Variants in DCC observed in about 807,000 individuals in gnomAD.
DCC encodes netrin receptor DCC.
Under a neutral mutation model 172.5 loss-of-function variants are expected in DCC, and 58 were observed. The ratio of observed to expected loss-of-function variants is 0.34; its 90% CI spans 0.27 to 0.42. DCC has a LOEUF of 0.42. Ranked by LOEUF, DCC falls within the 10% of genes least tolerant of loss-of-function variation. The pLI is 1.00. For synonymous variants in DCC, 709 were observed against 644.5 expected (o/e 1.10, Z -1.52); for missense variants, 1,740 against 1,791.0 (o/e 0.97, Z 0.51).
chr18:52,716,219 C>G (rs1452267138), intron 1 of DCC, among the ~76,000 whole-genome samples: 2 of 152,224 alleles, frequency 1.3e-5, no homozygotes, highest in Admixed American at 1.3e-4. Flanking sequence ...GGGGGCTCCT[C>G]TTTTCTTTCC....
At chr18:52,697,480 A>G (rs78834763) in intron 1 of DCC, among the ~76,000 whole-genome samples, 408 of 152,300 alleles carry the variant, frequency 2.7e-3, no homozygotes, top group African/African-American at 8.9e-3. Flanking sequence ...GTTTTCTCCT[A>G]TGTGAGAACA....
chr18:53,455,733 G>A (rs1476095758), intron 23 of DCC, among the ~76,000 whole-genome samples: 2 of 152,048 alleles, frequency 1.3e-5, no homozygotes, highest in African/African-American at 4.8e-5. Context: ...ATCTATTTGG[G>A]CCAAGGCCTC....
intron 12 of DCC, among the ~76,000 whole-genome samples, chr18:53,281,359 C>A (rs1363093075): frequency 6.6e-6 from 1 of 152,074 alleles, no homozygotes; most frequent in Non-Finnish European, 1.5e-5. Context: ...CTGATTTTAA[C>A]AGAAATTCTG....
At chr18:52,821,026 G>T (rs1383440788) in intron 2 of DCC, among the ~76,000 whole-genome samples, 1 of 152,074 alleles carries the variant, frequency 6.6e-6, no homozygotes, top group Non-Finnish European at 1.5e-5. Context: ...TGCTGAATTT[G>T]TTCTCTCATT....
chr18:53,288,936 C>A (rs2056966430), intron 12 of DCC, among the ~76,000 whole-genome samples: 1 of 152,086 alleles, frequency 6.6e-6, no homozygotes, highest in African/African-American at 2.4e-5. Context: ...TGCATATTAA[C>A]AGGCCACATT....
At chr18:53,512,753 T>G (rs1380710283) in intron 27 of DCC, among the ~76,000 whole-genome samples, 2 of 147,062 alleles carry the variant, frequency 1.4e-5, no homozygotes, top group Non-Finnish European at 3.0e-5. Flanking sequence ...AGAAGGGAAG[T>G]TTAGAGAAAA....
chr18:52,942,979 G>A (rs998406055), intron 5 of DCC, among the ~76,000 whole-genome samples: 13 of 152,080 alleles, frequency 8.5e-5, no homozygotes, highest in Non-Finnish European at 1.6e-4. Context: ...TTAATTTAAT[G>A]GTAGATATAA....
rs1598807388 is a variant in DCC at position 52,792,781 on chromosome 18, TTCCA to T, written c.412+40409_412+40412del. Among the ~76,000 whole-genome samples the T allele has an allele frequency of 1.1e-4, 17 of 150,044 alleles. No individual in the cohort carries two copies. The East Asian group carries it at 1.4e-3, about 12-fold the overall frequency. The stretch of plus-strand genomic sequence containing the variant: ...TTCTATTCCATTCTATTCCATTCCA[TTCCA>T]TTCCATTCCATTCCATTCCAGTTGA... On this transcript the variant is annotated intron_variant, in intron 2 of 28. Coordinates refer to ENST00000442544, the MANE Select transcript of DCC (RefSeq NM_005215.4).
At chr18:53,187,989 G>A (rs1212728457) in intron 9 of DCC, among the ~76,000 whole-genome samples, 2 of 152,222 alleles carry the variant, frequency 1.3e-5, no homozygotes, top group East Asian at 3.9e-4. Context: ...TGTATCAATT[G>A]AAAGTCAAGC....
At chr18:52,976,823 T>A (rs184059525) in intron 5 of DCC, among the ~76,000 whole-genome samples, 10 of 152,332 alleles carry the variant, frequency 6.6e-5, no homozygotes, top group African/African-American at 2.4e-4. Context: ...ATCTTACATA[T>A]GCAAACACAG....
intron 2 of DCC, among the ~76,000 whole-genome samples, chr18:52,848,082 ATT>A (rs11291428): frequency 0.13 from 17,108 of 127,292 alleles, 895 homozygotes; most frequent in South Asian, 0.22. Context: ...GACTTTTCTA[ATT>A]TTTTTTTTTT....
rs1330513774 is a variant in DCC at position 53,351,468 on chromosome 18, A to G, written c.2359+11561A>G. Among the ~76,000 whole-genome samples, 48 of 28,624 alleles carry G rather than the reference A, an allele frequency of 1.7e-3. 1 individual carries two copies. The highest frequency in any genetic ancestry group is 3.0e-3 in the Non-Finnish European group (36 of 12,034). The allele number at this position is 28,624 out of a possible 152,430, so 18.8% of individuals were successfully genotyped here. ...GTATATATATATATACACAGTGTGT[A>G]TATATATATATATATATATATAGTG... On this transcript the variant is annotated intron_variant, in intron 15 of 28. Transcript: ENST00000442544.
chr18:52,856,640 A>AAAAAAAAG (rs1555673747), intron 2 of DCC, among the ~76,000 whole-genome samples: 3 of 149,624 alleles, frequency 2.0e-5, no homozygotes, highest in Non-Finnish European at 4.4e-5. Flanking sequence ...AAAAAAAAAA[A>AAAAAAAAG]AAAGAAAACA....
chr18:52,770,216 C>G (rs921666575), intron 2 of DCC, among the ~76,000 whole-genome samples: 1 of 152,294 alleles, frequency 6.6e-6, no homozygotes, highest in South Asian at 2.1e-4. Flanking sequence ...TCATAATGCT[C>G]CAGCCATATT....
At chr18:52,534,340 A>G (rs1351408748) in intron 1 of DCC, among the ~76,000 whole-genome samples, 2 of 152,128 alleles carry the variant, frequency 1.3e-5, no homozygotes, top group Non-Finnish European at 2.9e-5. Flanking sequence ...TGTTAAGAAT[A>G]CTTATTTAAC....
At chr18:52,651,033 C>G (rs1478191954) in intron 1 of DCC, among the ~76,000 whole-genome samples, 1 of 152,114 alleles carries the variant, frequency 6.6e-6, no homozygotes, top group East Asian at 1.9e-4. Context: ...AAAGAAAAAG[C>G]TAAAATCCCC....
chr18:52,394,538 A>G (rs1986147729), intron 1 of DCC, among the ~76,000 whole-genome samples: 1 of 151,952 alleles, frequency 6.6e-6, no homozygotes, highest in Non-Finnish European at 1.5e-5. Context: ...TGGCCTCCCA[A>G]ATCGCTGAGA....
chr18:52,533,917 A>AT (rs1010565161), intron 1 of DCC, among the ~76,000 whole-genome samples: 33 of 151,802 alleles, frequency 2.2e-4, no homozygotes, highest in African/African-American at 4.6e-4. Context: ...TGCTGTTACT[A>AT]TTTTTTTTAT....
intron 9 of DCC, among the ~76,000 whole-genome samples, chr18:53,192,229 C>G (rs769407946): frequency 6.6e-5 from 10 of 152,032 alleles, no homozygotes; most frequent in South Asian, 2.1e-4. Context: ...TAAATGTCAG[C>G]GAAATCGCAA....
Sources: allele counts gnomAD v4.1 joint callset (sites outside exome capture counted in the v4.1 genomes callset), GRCh38; gene constraint gnomAD v4.1.1; transcripts MANE v1.5; gene names NCBI Gene and HGNC (gene_info 2026-07-23, HGNC 2026-07-21).